Variants in GFOD2 observed in about 807,000 individuals in gnomAD.
The protein encoded by GFOD2 is Gfo/Idh/MocA-like oxidoreductase domain containing 2.
A neutral mutation model predicts 24.6 loss-of-function variants in GFOD2; 9 were observed. That is an observed-to-expected ratio of 0.37 (90% CI 0.22 to 0.64). The LOEUF (loss-of-function observed/expected upper bound fraction) is 0.64, where lower values mean the gene tolerates loss of function less well. GFOD2 is among the 30% of genes least tolerant of loss of function. The pLI is 0.65. For synonymous variants in GFOD2, 211 were observed against 224.8 expected (o/e 0.94, Z 0.55); for missense variants, 476 against 532.5 (o/e 0.89, Z 1.04).
At chr16:67,710,329 G>A (rs531331491) in intron 1 of GFOD2, among the ~76,000 whole-genome samples, 19 of 151,008 alleles carry the variant, frequency 1.3e-4, no homozygotes, top group East Asian at 8.0e-4. Flanking sequence ...CATGTTGGCC[G>A]GGCTGGTCTC....
At chr16:67,685,995 A>G (rs2053263482) in intron 1 of GFOD2, among the ~76,000 whole-genome samples, 193 bp from the exon 2 acceptor site, 1 of 152,204 alleles carries the variant, frequency 6.6e-6, no homozygotes, top group African/African-American at 2.4e-5. Context: ...GAGGCCAGGC[A>G]TGGTGGCTCA....
chr16:67,684,686 A>G (rs2053252865), intron 2 of GFOD2: 1 of 920,414 alleles, frequency 1.1e-6, no homozygotes, highest in Admixed American at 6.2e-5. Flanking sequence ...ACAAGAGGGA[A>G]ACTCTGTCTC....
At chr16:67,693,925 CAAAAACA>C (rs2053336068) in intron 1 of GFOD2, among the ~76,000 whole-genome samples, 1 of 151,192 alleles carries the variant, frequency 6.6e-6, no homozygotes. Flanking sequence ...GACTCTGTCT[CAAAAACA>C]AAAAACAAAC....
chr16:67,707,066 A>C (rs1254638668), intron 1 of GFOD2, among the ~76,000 whole-genome samples: 1 of 151,050 alleles, frequency 6.6e-6, no homozygotes, highest in Admixed American at 6.6e-5. Context: ...CTCAAAAAAA[A>C]AAAAAAAAAT....
At chr16:67,686,463 TAATA>T (rs1037962053) in intron 1 of GFOD2, among the ~76,000 whole-genome samples, 2 of 152,166 alleles carry the variant, frequency 1.3e-5, no homozygotes, top group African/African-American at 4.8e-5. Context: ...CTTAAATGTA[TAATA>T]AGGGGAGTGA....
At chr16:67,713,353 C>A (rs2053488831) in intron 1 of GFOD2, among the ~76,000 whole-genome samples, 1 of 152,168 alleles carries the variant, frequency 6.6e-6, no homozygotes, top group African/African-American at 2.4e-5. Context: ...ACCAAGCAAG[C>A]AAGCAATTCT....
At position 67,695,534 on chromosome 16, in the gene GFOD2, G is replaced by GTT. The variant is rs775681594; in HGVS notation, c.-87-9734_-87-9733dup. On this transcript the variant is annotated intron_variant, in intron 1 of 2. Coordinates refer to ENST00000268797, the MANE Select transcript of GFOD2 (RefSeq NM_030819.4). Reference sequence around the variant, plus strand: ...AGGTAAGTAGTGAGATTCTACTTAAGTTTTTTTTTTTTTTTTTTGAGACGG... The same window carrying GTT: ...AGGTAAGTAGTGAGATTCTACTTAAGTTTTTTTTTTTTTTTTTTTTGAGACGG... 7.1e-4 allele frequency among the ~76,000 whole-genome samples: 94 copies of GTT among 132,498 alleles called. 1 individual carries two copies. Among genetic ancestry groups the GTT allele is most frequent in the African/African-American group, 8.8e-4 (31 of 35,426 alleles). The allele number at this position is 132,498 out of a possible 152,430, so 86.9% of individuals were successfully genotyped here. A position where few individuals can be genotyped will look rare whatever the true frequency, so the allele number is the denominator to read the frequency against.
intron 1 of GFOD2, among the ~76,000 whole-genome samples, chr16:67,688,744 T>A (rs2053287089): frequency 1.3e-5 from 2 of 150,176 alleles, no homozygotes; most frequent in African/African-American, 4.9e-5. Flanking sequence ...CTTTTTTTTT[T>A]TTTTTTTTGA....
intron 1 of GFOD2, among the ~76,000 whole-genome samples, chr16:67,690,952 T>G (rs2053308070): frequency 6.6e-6 from 1 of 152,186 alleles, no homozygotes; most frequent in Non-Finnish European, 1.5e-5. Flanking sequence ...AACCTCCGCC[T>G]CTTGGGTTCA....
At chr16:67,692,379 G>A (rs765575208) in intron 1 of GFOD2, among the ~76,000 whole-genome samples, 4 of 151,704 alleles carry the variant, frequency 2.6e-5, no homozygotes, top group Non-Finnish European at 5.9e-5. Context: ...ATCAGTTCAC[G>A]ACCAGCCTGA....
intron 2 of GFOD2, chr16:67,684,719 C>G: frequency 1.0e-6 from 1 of 972,648 alleles, no homozygotes; most frequent in Non-Finnish European, 1.2e-6. Context: ...AAATTGCTGG[C>G]TGAATGTTTA....
At chr16:67,676,310 T>C (rs2053185040) in intron 2 of GFOD2, 2 of 457,380 alleles carry the variant, frequency 4.4e-6, no homozygotes, top group East Asian at 8.1e-5. Flanking sequence ...AATTTTTTTT[T>C]TGTAGAGATG....
intron 1 of GFOD2, among the ~76,000 whole-genome samples, chr16:67,704,738 G>C (rs1406963583): frequency 6.6e-6 from 1 of 152,198 alleles, no homozygotes; most frequent in Non-Finnish European, 1.5e-5. Context: ...GCAGAGTTAG[G>C]CCTTAATAAA....
At chr16:67,714,229 C>G (rs2053493547) in intron 1 of GFOD2, among the ~76,000 whole-genome samples, 1 of 148,652 alleles carries the variant, frequency 6.7e-6, no homozygotes, top group Admixed American at 6.6e-5. Context: ...ACTGTAATCC[C>G]AGCACTTTGG....
Position 67,685,458 on chromosome 16 carries a change from T to C in GFOD2, c.258A>G (p.Leu86=). 1 of 1,614,142 alleles carries C rather than the reference T, an allele frequency of 6.2e-7. No homozygotes were observed. The change falls in exon 2 of 3, where the codon CTA becomes CTG. Residue 86 remains leucine (L), a splice_region_variant and synonymous_variant. Transcript: ENST00000268797. ...PLTRQISVKA[L]GIGKNVVCEK... ...CCTGCTGTGGCCTGCCGGGCGTACC[T>C]AGAGCCTTCACGGATATCTGCCGGG...
At chr16:67,710,251 A>G (rs1310986793) in intron 1 of GFOD2, among the ~76,000 whole-genome samples, 1 of 152,028 alleles carries the variant, frequency 6.6e-6, no homozygotes, top group African/African-American at 2.4e-5. Flanking sequence ...TAGGCCTCCC[A>G]AAGTGCTGGG....
intron 1 of GFOD2, among the ~76,000 whole-genome samples, chr16:67,697,909 C>T (rs1389824523): frequency 1.3e-5 from 2 of 152,168 alleles, no homozygotes; most frequent in African/African-American, 4.8e-5. Flanking sequence ...GGAGCCAGAA[C>T]TGGTGGCGTA....
At chr16:67,702,769 G>C (rs938611370) in intron 1 of GFOD2, among the ~76,000 whole-genome samples, 1 of 151,720 alleles carries the variant, frequency 6.6e-6, no homozygotes, top group African/African-American at 2.4e-5. Context: ...GCTAATTTTT[G>C]TATTTTTTAG....
chr16:67,685,744 C>G lies in GFOD2; in HGVS notation c.-29G>C. On this transcript the variant is annotated 5_prime_UTR_variant, in exon 2 of 3. Transcript: ENST00000268797. The stretch of plus-strand genomic sequence containing the variant: ...AGCCTCTCTCTTTACCAACTCATCT[C>G]CTCACAAGAGCCTCTGGCATGGATA... The G allele has an allele frequency of 6.3e-7, 1 of 1,595,734 alleles. No homozygotes were observed. Among genetic ancestry groups the G allele is most frequent in the Non-Finnish European group, 8.5e-7 (1 of 1,172,732 alleles).
Sources: gnomAD v4.1 joint callset for allele counts (sites outside exome capture counted in the v4.1 genomes callset) on GRCh38, gnomAD v4.1.1 for gene constraint, MANE v1.5 for transcripts, NCBI Gene and HGNC (gene_info 2026-07-23, HGNC 2026-07-21) for gene names.